Variants in GABRR2 observed in about 807,000 individuals in gnomAD.
GABRR2 encodes the protein gamma-aminobutyric acid type A receptor subunit rho2, also known as gamma-aminobutyric acid receptor subunit rho-2.
Under a neutral mutation model 47.0 loss-of-function variants are expected in GABRR2, and 36 were observed. That is an observed-to-expected ratio of 0.77 (90% confidence interval 0.59 to 1.01). The LOEUF (loss-of-function observed/expected upper bound fraction) is 1.01. GABRR2 is among the 50% of genes least tolerant of loss of function. The pLI is 0.00. For synonymous variants in GABRR2, 204 were observed against 227.5 expected (o/e 0.90, Z 0.93); for missense variants, 587 against 594.6 (o/e 0.99, Z 0.13).
intron 2 of GABRR2, among the ~76,000 whole-genome samples, chr6:89,277,368 A>G (rs1004084173): frequency 1.3e-5 from 2 of 152,178 alleles, no homozygotes; most frequent in Non-Finnish European, 2.9e-5. Flanking sequence ...TTTATAAATT[A>G]CCCAGTCTCA....
chr6:89,267,383 T>G (rs945211745), intron 6 of GABRR2, among the ~76,000 whole-genome samples: 1 of 152,000 alleles, frequency 6.6e-6, no homozygotes, highest in Non-Finnish European at 1.5e-5. Context: ...TTGGGCAACA[T>G]AGTAAGACCT....
intron 1 of GABRR2, 32 bp downstream of exon 1, chr6:89,315,021 T>A (rs1429795588): frequency 1.3e-6 from 2 of 1,594,226 alleles, no homozygotes; most frequent in African/African-American, 2.7e-5. Flanking sequence ...CTATGCAGGG[T>A]AACCTCCCTC....
In GABRR2 at chr6:89,257,256, T is replaced by G. The variant is rs1773621087; in HGVS notation, c.*414A>C. On this transcript the variant is annotated 3_prime_UTR_variant, in exon 9 of 9. Transcript: ENST00000402938. ...AATGGGTTTACAGGGTGTTTTTTGT[T>G]CTTAATTTCCTATCTCCTATCCAGA... is the stretch of plus-strand genomic sequence containing the variant. The G allele has an allele frequency of 5.9e-6, 1 of 170,376 alleles. No homozygotes were observed. The allele number at this position is 170,376 out of a possible 1,614,324, so 10.6% of individuals were successfully genotyped here. A position where few individuals can be genotyped will look rare whatever the true frequency, so the allele number is the denominator to read the frequency against.
intron 7 of GABRR2, 35 bp downstream of exon 7, chr6:89,265,578 T>C (rs1773871290): frequency 7.7e-6 from 12 of 1,558,812 alleles, no homozygotes; most frequent in Non-Finnish European, 9.5e-6. Flanking sequence ...TTGAAAAAAA[T>C]AACCACCCTA....
chr6:89,267,633 GTGCTTTCT>G, intron 6 of GABRR2, 38 bp downstream of exon 6: 2 of 1,559,114 alleles, frequency 1.3e-6, no homozygotes, highest in Non-Finnish European at 1.7e-6. Flanking sequence ...GAATTCAAAT[GTGCTTTCT>G]TGCACATTTG....
intron 1 of GABRR2, among the ~76,000 whole-genome samples, chr6:89,305,540 C>T (rs1327112121): frequency 6.6e-6 from 1 of 152,066 alleles, no homozygotes; most frequent in East Asian, 1.9e-4. Flanking sequence ...GGGAAAATCA[C>T]TTGAGCCCAG....
At chr6:89,268,543 T>C (rs1773962869) in intron 4 of GABRR2, among the ~76,000 whole-genome samples, 1 of 151,340 alleles carries the variant, frequency 6.6e-6, no homozygotes, top group South Asian at 2.1e-4. Flanking sequence ...CAGTGACAAG[T>C]AAGAAAAAAG....
intron 2 of GABRR2, among the ~76,000 whole-genome samples, chr6:89,283,807 C>A (rs1204160777): frequency 6.6e-6 from 1 of 152,126 alleles, no homozygotes; most frequent in Non-Finnish European, 1.5e-5. Context: ...ACGGGGTGGG[C>A]ACGTTCACGA....
intron 2 of GABRR2, among the ~76,000 whole-genome samples, chr6:89,295,839 T>C (rs1582459462): frequency 1.3e-5 from 2 of 151,224 alleles, no homozygotes. Flanking sequence ...TTCAGCTTTC[T>C]ACATATGGCT....
intron 1 of GABRR2, among the ~76,000 whole-genome samples, chr6:89,305,224 G>A (rs150626224): frequency 4.6e-5 from 7 of 152,304 alleles, no homozygotes; most frequent in East Asian, 1.9e-4. Flanking sequence ...GCATAGTGGT[G>A]TATGTCTGTA....
At position 89,269,164 on chromosome 6, in the gene GABRR2, T is replaced by C; in HGVS notation, c.359A>G (p.Asn120Ser). The change falls in exon 4 of 9, where the codon AAC (asparagine) becomes AGC (serine). Residue 120 changes from asparagine (N) to serine (S), a missense_variant. Transcript: ENST00000402938. ...DERLAFSSAS[N>S]KSMTFDGRLV... Reference sequence around the variant, plus strand: ...CCGGCCATCGAAGGTCATGCTCTTGTTGCTGGCGCTGGAGAAAGCTAGCCT... The same window carrying C: ...CCGGCCATCGAAGGTCATGCTCTTGCTGCTGGCGCTGGAGAAAGCTAGCCT... 6.2e-7 allele frequency: 1 copy of C among 1,614,060 alleles called. No individual in the cohort carries two copies. Among genetic ancestry groups the C allele is most frequent in the African/African-American group, 1.3e-5 (1 of 75,066 alleles).
chr6:89,306,806 A>G (rs987784344), intron 1 of GABRR2, among the ~76,000 whole-genome samples: 38 of 152,224 alleles, frequency 2.5e-4, no homozygotes, highest in African/African-American at 8.7e-4. Flanking sequence ...AGAGAAAAGG[A>G]AAGAAGGAAA....
chr6:89,296,698 C>T (rs1774560155), intron 2 of GABRR2, among the ~76,000 whole-genome samples: 1 of 152,222 alleles, frequency 6.6e-6, no homozygotes, highest in Non-Finnish European at 1.5e-5. Context: ...GGTCACACCA[C>T]AAGGAGTCCA....
chr6:89,265,676 C>T lies in GABRR2; in HGVS notation c.826G>A (p.Val276Ile). Residue 276 changes from valine (V) to isoleucine (I), a missense_variant, in exon 7 of 9, where the codon GTC (valine) becomes ATC (isoleucine). Physicochemically the swap from Val to Ile is conservative, Grantham distance 29. Transcript: ENST00000402938. ...CAGAAGGACACCCAGGACAGCATGACCATCAGAGTGGCAGGGAAATATGTT... is the reference window on the plus strand; with the variant it reads ...CAGAAGGACACCCAGGACAGCATGATCATCAGAGTGGCAGGGAAATATGTT... ...LQTYFPATLM[V>I]MLSWVSFWID... The T allele has an allele frequency of 6.2e-7, 1 of 1,614,168 alleles. No homozygotes were observed. The highest frequency in any genetic ancestry group is 1.1e-5 in the South Asian group (1 of 91,080).
At chr6:89,303,417 A>T (rs1015576343) in intron 1 of GABRR2, among the ~76,000 whole-genome samples, 3 of 52,292 alleles carry the variant, frequency 5.7e-5, no homozygotes, top group Admixed American at 4.4e-4. Context: ...GCTGTCAGAT[A>T]AAAAAAAAAA....
intron 1 of GABRR2, among the ~76,000 whole-genome samples, chr6:89,308,924 A>T (rs546624553): frequency 2.3e-4 from 35 of 152,328 alleles, no homozygotes; most frequent in African/African-American, 8.2e-4. Context: ...CTTCCAACCT[A>T]GTCGGGGAGG....
intron 1 of GABRR2, among the ~76,000 whole-genome samples, chr6:89,309,381 C>T (rs1767638324): frequency 6.6e-6 from 1 of 152,036 alleles, no homozygotes; most frequent in Admixed American, 6.5e-5. Context: ...GCTTCCTCAG[C>T]TTCTCCCCCT....
intron 2 of GABRR2, among the ~76,000 whole-genome samples, chr6:89,272,889 G>A (rs1774084920): frequency 6.6e-6 from 1 of 152,178 alleles, no homozygotes; most frequent in Non-Finnish European, 1.5e-5. Flanking sequence ...CCAGTCCTCA[G>A]CTCCCGCCCA....
intron 3 of GABRR2, among the ~76,000 whole-genome samples, chr6:89,270,699 A>C (rs1774031218): frequency 6.6e-6 from 1 of 152,140 alleles, no homozygotes; most frequent in Admixed American, 6.5e-5. Flanking sequence ...CCCACTCTTC[A>C]AGGGCAGATG....
Sources: gnomAD v4.1 joint callset for allele counts (sites outside exome capture counted in the v4.1 genomes callset) on GRCh38, gnomAD v4.1.1 for gene constraint, MANE v1.5 for transcripts, NCBI Gene and HGNC (gene_info 2026-07-23, HGNC 2026-07-21) for gene names.